The following PTPRR variants were observed in gnomAD, a reference collection of about 807,000 sequenced individuals.
The protein encoded by PTPRR is protein tyrosine phosphatase receptor type R, also known as receptor-type tyrosine-protein phosphatase R.
Under a neutral mutation model 77.2 loss-of-function variants are expected in PTPRR, and 38 were observed. The observed-to-expected ratio is 0.49, with a 90% confidence interval of 0.38 to 0.65. PTPRR has a LOEUF of 0.65. Ranked by LOEUF, PTPRR falls within the 30% of genes least tolerant of loss-of-function variation. The probability of loss-of-function intolerance (pLI) is 0.00; values close to 1 mark genes in which losing one functional copy is unlikely to be tolerated. For missense variants in PTPRR, 744 were observed against 799.2 expected (o/e 0.93, Z 0.83); for synonymous variants, 299 against 283.1 (o/e 1.06, Z -0.57).
chr12:70,714,161 T>C (rs376225414), intron 6 of PTPRR, among the ~76,000 whole-genome samples: 1 of 152,196 alleles, frequency 6.6e-6, no homozygotes, highest in South Asian at 2.1e-4. Flanking sequence ...GTTACTGTTC[T>C]AGTCTCACTT....
At chr12:70,649,168 T>C (rs1886303402) in intron 13 of PTPRR, among the ~76,000 whole-genome samples, 1 of 152,212 alleles carries the variant, frequency 6.6e-6, no homozygotes, top group East Asian at 1.9e-4. Flanking sequence ...GTTCTTTTCA[T>C]GTTAAATTAC....
chr12:70,653,377 G>A (rs891182186), intron 13 of PTPRR, among the ~76,000 whole-genome samples: 1 of 152,174 alleles, frequency 6.6e-6, no homozygotes, highest in African/African-American at 2.4e-5. Context: ...ATTATAAGAG[G>A]AGAAGGGATA....
At chr12:70,659,628 T>G (rs1272171847) in intron 12 of PTPRR, among the ~76,000 whole-genome samples, 2 of 152,158 alleles carry the variant, frequency 1.3e-5, no homozygotes, top group South Asian at 2.1e-4. Flanking sequence ...CCCTAACGCA[T>G]AGTCAGTTAG....
chr12:70,779,642 G>T (rs1330287907), intron 2 of PTPRR, among the ~76,000 whole-genome samples: 1 of 152,096 alleles, frequency 6.6e-6, no homozygotes, highest in Non-Finnish European at 1.5e-5. Context: ...ATGTCAGTCT[G>T]GTTCTCTGCT....
chr12:70,638,262 G>A lies in PTPRR; in HGVS notation c.*922C>T, dbSNP rs181431667. ...TGGAAATGTCCTTATAAGGAGCCTC[G>A]AAAATGGGACAGATTATATCATTCC... On this transcript the variant is annotated 3_prime_UTR_variant, in exon 14 of 14. Coordinates refer to ENST00000283228, the MANE Select transcript of PTPRR (RefSeq NM_002849.4). 2 of 152,556 alleles carry A rather than the reference G, an allele frequency of 1.3e-5. No homozygotes were observed. Among genetic ancestry groups the A allele is most frequent in the African/African-American group, 2.4e-5 (1 of 41,542 alleles). The allele number at this position is 152,556 out of a possible 1,614,324, so 9.5% of individuals were successfully genotyped here.
chr12:70,881,715 A>G (rs1362334645), intron 2 of PTPRR, among the ~76,000 whole-genome samples: 1 of 152,184 alleles, frequency 6.6e-6, no homozygotes, highest in Non-Finnish European at 1.5e-5. Flanking sequence ...TCAAAAACAA[A>G]ATTTAGAAAA....
At chr12:70,721,496 G>C (rs779178085) in intron 6 of PTPRR, among the ~76,000 whole-genome samples, 1 of 152,156 alleles carries the variant, frequency 6.6e-6, no homozygotes, top group Non-Finnish European at 1.5e-5. Flanking sequence ...TCAAAAGGTG[G>C]ACTATTGTGG....
At chr12:70,670,006 A>G (rs1887160232) in intron 10 of PTPRR, among the ~76,000 whole-genome samples, 1 of 152,194 alleles carries the variant, frequency 6.6e-6, no homozygotes, top group Non-Finnish European at 1.5e-5. Flanking sequence ...GCAGATAGAA[A>G]AGGGAAGAGA....
chr12:70,712,110 C>G (rs890522762), intron 6 of PTPRR, among the ~76,000 whole-genome samples: 3 of 151,916 alleles, frequency 2.0e-5, no homozygotes, highest in Non-Finnish European at 4.4e-5. Flanking sequence ...GGAGTGGCTT[C>G]TTTTTGGCCA....
chr12:70,748,088 C>T (rs1460944602), intron 5 of PTPRR, among the ~76,000 whole-genome samples: 1 of 152,144 alleles, frequency 6.6e-6, no homozygotes, highest in African/African-American at 2.4e-5. Flanking sequence ...GCTCACCACA[C>T]ACCCCCGCCA....
At chr12:70,840,080 T>C (rs1474804361) in intron 2 of PTPRR, among the ~76,000 whole-genome samples, 1 of 152,162 alleles carries the variant, frequency 6.6e-6, no homozygotes, top group Non-Finnish European at 1.5e-5. Context: ...CTGATTGGCT[T>C]AATTAATACA....
intron 6 of PTPRR, among the ~76,000 whole-genome samples, chr12:70,709,350 A>G (rs1171315495): frequency 6.6e-6 from 1 of 152,218 alleles, no homozygotes; most frequent in Non-Finnish European, 1.5e-5. Flanking sequence ...ACAAACCCAC[A>G]GTCAACATCA....
intron 2 of PTPRR, among the ~76,000 whole-genome samples, chr12:70,794,357 A>G (rs1305463496): frequency 6.6e-6 from 1 of 152,160 alleles, no homozygotes; most frequent in African/African-American, 2.4e-5. Flanking sequence ...TGATGTGTCT[A>G]TTTACATGAA....
chr12:70,640,479 T>C (rs1885958979), intron 13 of PTPRR, among the ~76,000 whole-genome samples: 1 of 152,212 alleles, frequency 6.6e-6, no homozygotes, highest in African/African-American at 2.4e-5. Context: ...CCTATAATTA[T>C]GATTTTTTAG....
At chr12:70,777,505 A>G (rs1308277709) in intron 2 of PTPRR, among the ~76,000 whole-genome samples, 1 of 152,118 alleles carries the variant, frequency 6.6e-6, no homozygotes, top group African/African-American at 2.4e-5. Flanking sequence ...CTTCCCACCA[A>G]TTCTCATAAC....
At chr12:70,889,031 T>C (rs529020991) in intron 2 of PTPRR, among the ~76,000 whole-genome samples, 43 of 152,282 alleles carry the variant, frequency 2.8e-4, no homozygotes, top group Admixed American at 2.6e-3. Context: ...TTGAACCATA[T>C]CTAGAGCTAA....
At chr12:70,920,251 G>A in intron 1 of PTPRR, 82 bp downstream of exon 1, 1 of 1,453,530 alleles carries the variant, frequency 6.9e-7, no homozygotes, top group Non-Finnish European at 9.6e-7. Context: ...TCTTCGCAAG[G>A]CAAGCTTTTC....
chr12:70,640,381 GC>G (rs1307464759), intron 13 of PTPRR, among the ~76,000 whole-genome samples: 3 of 151,830 alleles, frequency 2.0e-5, no homozygotes, highest in Non-Finnish European at 4.4e-5. Flanking sequence ...TCACTATGTT[GC>G]CCAGGCTGGT....
At chr12:70,883,566 G>A (rs1893185064) in intron 2 of PTPRR, among the ~76,000 whole-genome samples, 1 of 152,086 alleles carries the variant, frequency 6.6e-6, no homozygotes, top group African/African-American at 2.4e-5. Flanking sequence ...TTTGGTGCAA[G>A]TATTTAAGAA....
Sources: allele counts gnomAD v4.1 joint callset (sites outside exome capture counted in the v4.1 genomes callset), GRCh38; gene constraint gnomAD v4.1.1; transcripts MANE v1.5; gene names NCBI Gene and HGNC (gene_info 2026-07-23, HGNC 2026-07-21).